The following APOL5 variants were observed in gnomAD, a reference collection of about 807,000 sequenced individuals.
APOL5 encodes apolipoprotein L5.
In APOL5, 29 loss-of-function variants were observed where a neutral mutation model predicts 35.5. The ratio of observed to expected loss-of-function variants is 0.82; its 90% CI spans 0.61 to 1.11. The LOEUF (loss-of-function observed/expected upper bound fraction) is 1.11, where lower values mean the gene tolerates loss of function less well. Ranked by LOEUF, APOL5 falls within the 50% of genes most tolerant of loss-of-function variation. The pLI is 0.00. For missense variants in APOL5, 514 were observed against 530.4 expected (o/e 0.97, Z 0.30); for synonymous variants, 188 against 200.2 (o/e 0.94, Z 0.51).
At position 35,727,051 on chromosome 22, in the gene APOL5, A is replaced by C; in HGVS notation, c.983A>C (p.Glu328Ala). 1 of 1,613,868 alleles carries C rather than the reference A, an allele frequency of 6.2e-7. No homozygotes were observed. Among genetic ancestry groups the C allele is most frequent in the Non-Finnish European group, 8.5e-7 (1 of 1,180,000 alleles). Reference sequence around the variant, plus strand: ...GGGGCAAGGACGGAGACAGCAGAGGAACTGAGAGCACTTGCTAAGAAGCTG... The same window carrying C: ...GGGGCAAGGACGGAGACAGCAGAGGCACTGAGAGCACTTGCTAAGAAGCTG... ...EDGARTETAE[E>A]LRALAKKLEQ... The change falls in exon 3 of 5, where the codon GAA (glutamate) becomes GCA (alanine). Residue 328 changes from glutamate (E) to alanine (A), a missense_variant. By Grantham distance (107) the Glu-to-Ala change is moderately radical (BLOSUM62 -1). Around this residue, in one of 3 missense-constraint regions of APOL5, gnomAD observed 238 missense variants for 229.1 expected, o/e 1.04. Coordinates refer to ENST00000249044, the MANE Select transcript of APOL5 (RefSeq NM_030642.1).
chr22:35,711,163 C>G, the APOL5 span, among the ~76,000 whole-genome samples: 1 of 152,184 alleles, frequency 6.6e-6, no homozygotes, highest in South Asian at 2.1e-4. Flanking sequence ...AAGAGTGAAA[C>G]TCTGTCTCAA....
the APOL5 span, among the ~76,000 whole-genome samples, chr22:35,710,392 T>A: frequency 5.9e-5 from 9 of 151,698 alleles, no homozygotes; most frequent in Non-Finnish European, 1.2e-4. Context: ...TCCTCCCGCC[T>A]TGGCCTCTTG....
chr22:35,720,033 C>T (rs5999976), intron 1 of APOL5, among the ~76,000 whole-genome samples: 56,866 of 152,086 alleles, frequency 0.37, 11,446 homozygotes, highest in African/African-American at 0.52. Flanking sequence ...TGTCAGCATC[C>T]GCCGGTGTAT....
intron 1 of APOL5, among the ~76,000 whole-genome samples, chr22:35,720,289 A>G (rs948638315): frequency 8.5e-5 from 13 of 152,330 alleles, no homozygotes; most frequent in African/African-American, 3.1e-4. Flanking sequence ...TCAACATTTC[A>G]AAAGTGCTTT....
rs2076673 is a variant in APOL5, at chr22:35,728,813, C to G, written c.1217C>G (p.Ser406Cys). The G allele has an allele frequency of 0.32, 521,633 of 1,612,318 alleles. 88,316 individuals are homozygous for G. Among genetic ancestry groups the G allele is most frequent in the East Asian group, 0.58 (25,881 of 44,662 alleles). Residue 406 changes from serine (S) to cysteine (C), a missense_variant, in exon 4 of 5, where the codon TCT becomes TGT. By Grantham distance (112) the Ser-to-Cys change is moderately radical (BLOSUM62 -1). Coordinates refer to ENST00000249044, the MANE Select transcript of APOL5 (RefSeq NM_030642.1). Reference sequence around the variant, plus strand: ...CTGAGGACACCAAAGAGGACAGTCTCTGCCCCAAGGATGCTTGGCCACCAG... The same window carrying G: ...CTGAGGACACCAAAGAGGACAGTCTGTGCCCCAAGGATGCTTGGCCACCAG... The part of the protein sequence containing the change: ...VALRTPKRTV[S>C]APRMLGHQPA...
chr22:35,714,706 C>T (rs562843771), upstream of APOL5, among the ~76,000 whole-genome samples: 21 of 152,314 alleles, frequency 1.4e-4, no homozygotes, highest in African/African-American at 4.3e-4. Context: ...GGGTGTCCGA[C>T]TGAGAAGAGT....
At chr22:35,719,061 AAT>A (rs199498226) in intron 1 of APOL5, among the ~76,000 whole-genome samples, 15 of 17,730 alleles carry the variant, frequency 8.5e-4, no homozygotes, top group Admixed American at 1.7e-3. Context: ...TCTCAAAAAT[AAT>A]AATAATAATA....
chr22:35,718,358 C>T (rs936592374), intron 1 of APOL5, among the ~76,000 whole-genome samples: 5 of 152,202 alleles, frequency 3.3e-5, no homozygotes, highest in Admixed American at 3.3e-4. Flanking sequence ...TGGCTCATGC[C>T]TGTAATCCCA....
At chr22:35,717,546 C>T (rs1300359134), upstream of APOL5, among the ~76,000 whole-genome samples, 1 of 151,066 alleles carries the variant, frequency 6.6e-6, no homozygotes, top group African/African-American at 2.4e-5. Flanking sequence ...TTGAGACCAG[C>T]CTGGCCATCA....
chr22:35,725,823 G>A (rs904033862), intron 2 of APOL5, among the ~76,000 whole-genome samples: 1 of 152,206 alleles, frequency 6.6e-6, no homozygotes, highest in African/African-American at 2.4e-5. Context: ...AGCAATTGGG[G>A]AGGTTTAGAA....
intron 2 of APOL5, among the ~76,000 whole-genome samples, chr22:35,720,941 TC>T (rs1028641423): frequency 6.6e-6 from 1 of 152,094 alleles, no homozygotes; most frequent in African/African-American, 2.4e-5. Flanking sequence ...AGATGGAGTT[TC>T]CCCATGTTGG....
At chr22:35,729,150 A>G (rs1201556399) in intron 4 of APOL5, among the ~76,000 whole-genome samples, 1 of 152,190 alleles carries the variant, frequency 6.6e-6, no homozygotes, top group Non-Finnish European at 1.5e-5. Context: ...TCAATGCACA[A>G]ATCTCAATTG....
At chr22:35,711,600 T>TTCCC in the APOL5 span, among the ~76,000 whole-genome samples, 1 of 32,414 alleles carries the variant, frequency 3.1e-5, no homozygotes, top group Non-Finnish European at 6.1e-5. Flanking sequence ...CACCATGTTT[T>TTCCC]TCCTTCCTTC....
chr22:35,728,580 C>T (rs1927258446), intron 3 of APOL5, 143 bp from the exon 4 acceptor site: 2 of 904,768 alleles, frequency 2.2e-6, no homozygotes, highest in Admixed American at 6.8e-5. Flanking sequence ...AAGTTTGGGA[C>T]CCACTGCCCT....
upstream of APOL5, chr22:35,717,841 T>TTAA (rs1184608740): frequency 1.8e-5 from 28 of 1,530,768 alleles, no homozygotes; most frequent in Non-Finnish European, 2.3e-5. Flanking sequence ...ATTAATCATA[T>TTAA]TATAAGCTTA....
the APOL5 span, among the ~76,000 whole-genome samples, chr22:35,710,589 G>A: frequency 1.7e-4 from 26 of 152,068 alleles, no homozygotes; most frequent in Non-Finnish European, 3.2e-4. Context: ...TAAGGGTACA[G>A]GTCAGTGGCA....
chr22:35,718,576 A>T (rs370887630), intron 1 of APOL5, among the ~76,000 whole-genome samples: 45 of 138,294 alleles, frequency 3.3e-4, no homozygotes, highest in East Asian at 2.0e-3. Context: ...CCTGGACAAC[A>T]GACAGAGACC....
chr22:35,728,800 A>G lies in APOL5; in HGVS notation c.1204A>G (p.Lys402Glu), dbSNP rs370966999. 5.0e-6 allele frequency: 8 copies of G among 1,613,588 alleles called. No individual in the cohort carries two copies. Among genetic ancestry groups the G allele is most frequent in the Non-Finnish European group, 6.8e-6 (8 of 1,179,806 alleles). Residue 402 changes from lysine to glutamate, a missense_variant, in exon 4 of 5, where the codon AAG becomes GAG. Coordinates refer to ENST00000249044, the MANE Select transcript of APOL5 (RefSeq NM_030642.1). The stretch of plus-strand genomic sequence containing the variant: ...CCCTGGCGTGGCACTGAGGACACCA[A>G]AGAGGACAGTCTCTGCCCCAAGGAT... ...LGPGVALRTP[K>E]RTVSAPRMLG...
chr22:35,716,542 G>A (rs992936972), upstream of APOL5, among the ~76,000 whole-genome samples: 27 of 152,254 alleles, frequency 1.8e-4, no homozygotes, highest in African/African-American at 4.8e-4. Flanking sequence ...GATTACAGGC[G>A]TGAGCCACCG....
Sources: allele counts gnomAD v4.1 joint callset (sites outside exome capture counted in the v4.1 genomes callset), GRCh38; gene constraint gnomAD v4.1.1; regional missense constraint gnomAD v4.1.1; transcripts MANE v1.5; gene names NCBI Gene and HGNC (gene_info 2026-07-23, HGNC 2026-07-21).